TENM1: variants seen among roughly 807,000 people sequenced by gnomAD.
TENM1 encodes the protein teneurin-1.
Under a neutral mutation model 174.8 loss-of-function variants are expected in TENM1, and 35 were observed. The observed-to-expected ratio is 0.20, with a 90% CI of 0.15 to 0.27. The LOEUF (loss-of-function observed/expected upper bound fraction) is 0.27, where lower values mean the gene tolerates loss of function less well. Among genes scored for constraint, TENM1 ranks in the 10% least tolerant of loss-of-function variants. The pLI is 1.00. For synonymous variants in TENM1, 781 were observed against 798.7 expected, an observed-to-expected ratio of 0.98 and a Z score of 0.37; for missense variants, 1,633 against 2,130.1, an observed-to-expected ratio of 0.77 and a Z score of 4.59.
At chrX:125,106,316 C>A in the TENM1 span, among the ~76,000 whole-genome samples, 2 of 112,087 alleles carry the variant, frequency 1.8e-5, no homozygotes, top group Non-Finnish European at 3.8e-5. Context: ...GTATAGGTTC[C>A]TTGCCAGTTT....
intron 11 of TENM1, among the ~76,000 whole-genome samples, chrX:124,575,471 C>T (rs373940654): frequency 1.1e-4 from 12 of 112,035 alleles, no homozygotes; most frequent in East Asian, 5.6e-4. Flanking sequence ...AACAGCGACA[C>T]ACTCCAGCCT....
chrX:125,027,109 A>C, the TENM1 span, among the ~76,000 whole-genome samples: 3 of 112,388 alleles, frequency 2.7e-5, no homozygotes. Flanking sequence ...TAAAATGGAA[A>C]GCATTAGACA....
intron 22 of TENM1, among the ~76,000 whole-genome samples, chrX:124,469,573 G>A (rs780688578): frequency 1.8e-5 from 2 of 111,393 alleles, no homozygotes; most frequent in African/African-American, 3.3e-5. Flanking sequence ...TATGATTTAA[G>A]GGTCACTAAA....
chrX:124,952,975 T>C (rs2058513168), intron 1 of TENM1, among the ~76,000 whole-genome samples: 1 of 111,578 alleles, frequency 9.0e-6, no homozygotes, highest in Non-Finnish European at 1.9e-5. Flanking sequence ...TCTCAAGGGA[T>C]TCAAAGTTTA....
intron 11 of TENM1, among the ~76,000 whole-genome samples, chrX:124,593,368 T>C (rs1206554135): frequency 1.8e-5 from 2 of 111,509 alleles, no homozygotes; most frequent in East Asian, 2.9e-4. Context: ...CCATGATCTG[T>C]GCCCAGAAAG....
intron 3 of TENM1, among the ~76,000 whole-genome samples, chrX:124,770,029 C>G (rs2054619071): frequency 1.8e-5 from 2 of 111,760 alleles, no homozygotes; most frequent in Admixed American, 1.9e-4. Context: ...AAGTGACTTG[C>G]CTAACATCAT....
At chrX:124,782,803 T>C (rs2054945354) in intron 3 of TENM1, among the ~76,000 whole-genome samples, 1 of 111,706 alleles carries the variant, frequency 9.0e-6, no homozygotes, top group Non-Finnish European at 1.9e-5. Context: ...GAGACTCTTA[T>C]ACACAGCAGA....
intron 3 of TENM1, among the ~76,000 whole-genome samples, chrX:124,790,897 T>TA (rs1436190582): frequency 2.7e-5 from 3 of 110,585 alleles, no homozygotes; most frequent in Non-Finnish European, 5.7e-5. Flanking sequence ...ACAATAGAAA[T>TA]AAAAAAAATA....
chrX:125,115,982 T>G, the TENM1 span, among the ~76,000 whole-genome samples: 1 of 111,634 alleles, frequency 9.0e-6, no homozygotes, highest in Admixed American at 9.5e-5. Context: ...TCACGCTACT[T>G]GATTTCAAAC....
intron 3 of TENM1, 45 bp from the exon 7 acceptor site, chrX:124,737,242 C>T: frequency 9.0e-7 from 1 of 1,116,778 alleles, no homozygotes; most frequent in East Asian, 3.3e-5. Context: ...CTTACTCTCC[C>T]ACTTGGCAGT....
intron 1 of TENM1, among the ~76,000 whole-genome samples, chrX:124,952,335 GGTGTGTGTGTGTGTGTGTGT>G (rs34542293): frequency 1.9e-4 from 19 of 98,816 alleles, no homozygotes; most frequent in Non-Finnish European, 2.7e-4. Context: ...TTATGTATGG[GGTGTGTGTGTGTGTGTGTGT>G]GTGTGTGTGT....
intron 4 of TENM1, among the ~76,000 whole-genome samples, chrX:124,731,465 G>T (rs1158318647): frequency 9.0e-6 from 1 of 111,693 alleles, no homozygotes; most frequent in Non-Finnish European, 1.9e-5. Context: ...CTTGGAGATT[G>T]GATTACCCTG....
chrX:125,102,864 C>T, the TENM1 span, among the ~76,000 whole-genome samples: 1 of 111,918 alleles, frequency 8.9e-6, no homozygotes, highest in Admixed American at 9.5e-5. Context: ...AGATCAAGTT[C>T]ATAATGTCCC....
the TENM1 span, among the ~76,000 whole-genome samples, chrX:125,199,992 T>C: frequency 9.0e-6 from 1 of 111,427 alleles, no homozygotes; most frequent in Admixed American, 9.6e-5. Context: ...ATTATATAAA[T>C]TGCCATAACA....
At chrX:124,842,030 C>T (rs915827620) in intron 3 of TENM1, among the ~76,000 whole-genome samples, 5 of 111,654 alleles carry the variant, frequency 4.5e-5, no homozygotes, top group Non-Finnish European at 7.5e-5. Flanking sequence ...AGCATTTAAT[C>T]TCATACTTAT....
At chrX:124,771,732 T>A (rs879040427) in intron 3 of TENM1, among the ~76,000 whole-genome samples, 1 of 112,155 alleles carries the variant, frequency 8.9e-6, no homozygotes, top group African/African-American at 3.2e-5. Context: ...CAGCTCGATT[T>A]GGAATTGTAA....
chrX:124,698,068 C>A (rs2052691916), intron 5 of TENM1, among the ~76,000 whole-genome samples: 1 of 111,522 alleles, frequency 9.0e-6, no homozygotes, highest in Admixed American at 9.5e-5. Flanking sequence ...AGAATGTTTT[C>A]TTCCAATCTT....
chrX:124,759,413 C>T (rs2054351646), intron 3 of TENM1, among the ~76,000 whole-genome samples: 2 of 111,239 alleles, frequency 1.8e-5, no homozygotes, highest in African/African-American at 6.5e-5. Flanking sequence ...TTTTGGTGCA[C>T]CCATCACTCA....
At chrX:124,901,424 G>A (rs1442884510) in intron 1 of TENM1, among the ~76,000 whole-genome samples, 1 of 111,888 alleles carries the variant, frequency 8.9e-6, no homozygotes, top group Non-Finnish European at 1.9e-5. Context: ...AACTTGAGAA[G>A]GAAAGTTATA....
Sources: gnomAD v4.1 joint callset for allele counts (sites outside exome capture counted in the v4.1 genomes callset) on GRCh38, gnomAD v4.1.1 for gene constraint, MANE v1.5 for transcripts, NCBI Gene and HGNC (gene_info 2026-07-23, HGNC 2026-07-21) for gene names.